The following INPP5A variants were observed in gnomAD, a reference collection of about 807,000 sequenced individuals.
INPP5A encodes 43 kDa inositol polyphosphate 5-phophatase.
Under a neutral mutation model 65.2 loss-of-function variants are expected in INPP5A, and 14 were observed. The ratio of observed to expected loss-of-function variants is 0.21; its 90% CI spans 0.14 to 0.34. The LOEUF (loss-of-function observed/expected upper bound fraction) is 0.34. Ranked by LOEUF, INPP5A falls within the 10% of genes least tolerant of loss-of-function variation. The pLI, the probability that INPP5A is intolerant of heterozygous loss-of-function variation, is 1.00. For missense variants in INPP5A, 431 were observed against 545.6 expected (o/e 0.79, Z 2.09); for synonymous variants, 207 against 208.3 (o/e 0.99, Z 0.05).
chr10:132,625,669 A>G (rs1018848865), intron 2 of INPP5A, among the ~76,000 whole-genome samples: 4 of 152,042 alleles, frequency 2.6e-5, no homozygotes, highest in Non-Finnish European at 5.9e-5. Context: ...AGGCTTCCTG[A>G]CCAAGGTCGG....
At chr10:132,578,684 G>T in intron 1 of INPP5A, among the ~76,000 whole-genome samples, 1 of 133,614 alleles carries the variant, frequency 7.5e-6, no homozygotes, top group South Asian at 2.6e-4. Flanking sequence ...GTATGTGGGG[G>T]CTGGGTCCGA....
At chr10:132,723,834 C>A (rs1845937780) in intron 8 of INPP5A, among the ~76,000 whole-genome samples, 2 of 151,622 alleles carry the variant, frequency 1.3e-5, no homozygotes, top group South Asian at 4.1e-4. Flanking sequence ...GGTCTCGGAG[C>A]ACAGGGCCCT....
intron 8 of INPP5A, among the ~76,000 whole-genome samples, chr10:132,716,186 C>T (rs1244042703): frequency 6.6e-6 from 1 of 152,250 alleles, no homozygotes; most frequent in Non-Finnish European, 1.5e-5. Context: ...TGTTTCCTTT[C>T]CTTAAGAAAC....
In INPP5A at chr10:132,575,187, C is replaced by T. The variant is rs1459003910; in HGVS notation, c.76-32728C>T. Reference sequence around the variant, plus strand: ...GCTGCATTCTTCCTCCGCAGGCTGGCGTTTGCACCGGCCTGGACACATCGC... The same window carrying T: ...GCTGCATTCTTCCTCCGCAGGCTGGTGTTTGCACCGGCCTGGACACATCGC... On this transcript the variant is annotated intron_variant, in intron 1 of 15. Transcript: ENST00000368594. The surrounding 1 kb of genome is among the most constrained non-coding windows in gnomAD (Gnocchi z 5.4). 6.6e-6 allele frequency among the ~76,000 whole-genome samples: 1 copy of T among 152,186 alleles called. No homozygotes were observed. The highest frequency in any genetic ancestry group is 1.9e-4 in the East Asian group (1 of 5,204).
intron 3 of INPP5A, among the ~76,000 whole-genome samples, chr10:132,649,573 G>A (rs531163530): frequency 1.3e-5 from 2 of 152,168 alleles, no homozygotes; most frequent in Non-Finnish European, 2.9e-5. Flanking sequence ...TCTTTGCCTT[G>A]CCCTTCTCTA....
In INPP5A at chr10:132,554,113, T is replaced by G. The variant is rs1404876791; in HGVS notation, c.75+15942T>G. Among the ~76,000 whole-genome samples, 8 of 152,218 alleles carry G rather than the reference T, an allele frequency of 5.3e-5. No homozygotes were observed. In the East Asian group the frequency reaches 1.3e-3, roughly 26 times the overall value. The stretch of plus-strand genomic sequence containing the variant: ...AGCCTTGGTGGAATATTGAGTGGGA[T>G]AGGGAGGGAGGATTCGAGGGCGCCT... On this transcript the variant is annotated intron_variant, in intron 1 of 15. Coordinates refer to ENST00000368594, the MANE Select transcript of INPP5A (RefSeq NM_005539.5).
At chr10:132,619,586 G>A (rs2072085197) in intron 2 of INPP5A, among the ~76,000 whole-genome samples, 2 of 152,180 alleles carry the variant, frequency 1.3e-5, no homozygotes, top group South Asian at 4.2e-4. Flanking sequence ...CTCTCTGTGG[G>A]AGCTTTAACC....
chr10:132,659,666 C>A lies in INPP5A; in HGVS notation c.306+9161C>A, dbSNP rs971540014. 1.3e-5 allele frequency among the ~76,000 whole-genome samples: 2 copies of A among 152,230 alleles called. No individual in the cohort carries two copies. Among genetic ancestry groups the A allele is most frequent in the African/African-American group, 2.4e-5 (1 of 41,458 alleles). ...GTCCCCTGCAGAGGAGACCTCTGCA[C>A]GCAGGCCCACAGCAAGGGCCGGATC... On this transcript the variant is annotated intron_variant, in intron 4 of 15. Transcript: ENST00000368594. This position sits in a 1 kb window ranked among gnomAD's most constrained non-coding sequence, Gnocchi z 5.5.
chr10:132,735,215 C>T (rs1846155263), intron 9 of INPP5A, among the ~76,000 whole-genome samples: 1 of 152,200 alleles, frequency 6.6e-6, no homozygotes, highest in South Asian at 2.1e-4. Context: ...CAGTCTGGCT[C>T]CTTGGGAGCC....
In INPP5A at chr10:132,749,814, A is replaced by G. The variant is rs1402639161; in HGVS notation, c.872A>G (p.Gln291Arg). Residue 291 changes from glutamine to arginine, a missense_variant, in exon 11 of 16, where the codon CAG (glutamine) becomes CGG (arginine). Coordinates refer to ENST00000368594, the MANE Select transcript of INPP5A (RefSeq NM_005539.5). Reference sequence around the variant, plus strand: ...AAGAAACTCTTCGACTACTTCAACCAGGAGGTTTTCCGAGACAACAACGGC... The same window carrying G: ...AAGAAACTCTTCGACTACTTCAACCGGGAGGTTTTCCGAGACAACAACGGC... ...LEKKLFDYFN[Q>R]EVFRDNNGTA... 6 of 1,613,234 alleles carry G rather than the reference A, an allele frequency of 3.7e-6. 1 individual carries two copies. The South Asian group carries it at 6.6e-5, about 18-fold the overall frequency.
chr10:132,635,006 G>A (rs570398157), intron 2 of INPP5A, among the ~76,000 whole-genome samples: 1 of 152,370 alleles, frequency 6.6e-6, no homozygotes, highest in East Asian at 1.9e-4. Flanking sequence ...GTCCAGAACA[G>A]CCTCAGCTGA....
intron 1 of INPP5A, among the ~76,000 whole-genome samples, chr10:132,585,604 T>C (rs1472618524): frequency 6.6e-6 from 1 of 152,310 alleles, no homozygotes; most frequent in Middle Eastern, 3.4e-3. Flanking sequence ...GCCTGTGTGC[T>C]GGACTGGAAG....
At chr10:132,712,600 G>A (rs562923908) in intron 8 of INPP5A, among the ~76,000 whole-genome samples, 114 of 151,592 alleles carry the variant, frequency 7.5e-4, no homozygotes, top group Non-Finnish European at 3.8e-4. Flanking sequence ...GTATGTGTGC[G>A]CGGGTGTGTG....
rs1191431045 is a variant in INPP5A, at chr10:132,663,723, C to T, written c.306+13218C>T. On this transcript the variant is annotated intron_variant, in intron 4 of 15. Coordinates refer to ENST00000368594, the MANE Select transcript of INPP5A (RefSeq NM_005539.5). The surrounding 1 kb of genome is among the most constrained non-coding windows in gnomAD (Gnocchi z 4.5). ...CCGTCTGCATGACTTTGGGTCATTG[C>T]GCTTTCCTTGCCTTTTGGGGAGGGT... Among the ~76,000 whole-genome samples, 1 of 152,188 alleles carries T rather than the reference C, an allele frequency of 6.6e-6. No individual in the cohort carries two copies. The highest frequency in any genetic ancestry group is 1.5e-5 in the Non-Finnish European group (1 of 68,044).
chr10:132,681,878 C>T (rs548752545), intron 4 of INPP5A, among the ~76,000 whole-genome samples: 1 of 152,316 alleles, frequency 6.6e-6, no homozygotes, highest in African/African-American at 2.4e-5. Context: ...GAAATTCTGG[C>T]AAGCACTACA....
Position 132,546,214 on chromosome 10 carries a change from G to T in INPP5A, c.75+8043G>T, listed in dbSNP as rs866812026. ...GACACCACTTCTGGGGCAGGTCTAG[G>T]GTGATGGCGCTCCCAGCCCGCGGGG... is the stretch of plus-strand genomic sequence containing the variant. On this transcript the variant is annotated intron_variant, in intron 1 of 15. Transcript: ENST00000368594. This position sits in a 1 kb window ranked among gnomAD's most constrained non-coding sequence, Gnocchi z 5.7. Among the ~76,000 whole-genome samples, 52 of 152,356 alleles carry T rather than the reference G, an allele frequency of 3.4e-4. No individual in the cohort carries two copies. The highest frequency in any genetic ancestry group is 6.8e-3 in the Middle Eastern group (2 of 294).
At chr10:132,737,535 TG>T (rs1480704434) in intron 9 of INPP5A, among the ~76,000 whole-genome samples, 1 of 152,246 alleles carries the variant, frequency 6.6e-6, no homozygotes, top group Non-Finnish European at 1.5e-5. Context: ...GCAGACCCAG[TG>T]GGGCACTGCC....
At chr10:132,677,333 G>C (rs35826943) in intron 4 of INPP5A, among the ~76,000 whole-genome samples, 1 of 152,188 alleles carries the variant, frequency 6.6e-6, no homozygotes, top group African/African-American at 2.4e-5. Context: ...CCACGCTGCC[G>C]TCTTGGGCTC....
At chr10:132,633,673 T>C (rs770273200) in intron 2 of INPP5A, among the ~76,000 whole-genome samples, 1 of 152,130 alleles carries the variant, frequency 6.6e-6, no homozygotes, top group Non-Finnish European at 1.5e-5. Context: ...TCAGAGAAGG[T>C]CATGATTTTT....
Sources: gnomAD v4.1 joint callset for allele counts (sites outside exome capture counted in the v4.1 genomes callset) on GRCh38, gnomAD v4.1.1 for gene constraint, Gnocchi (gnomAD v3.1) non-coding constraint, MANE v1.5 for transcripts, NCBI Gene and HGNC (gene_info 2026-07-23, HGNC 2026-07-21) for gene names.